LYSMD2: variants seen among roughly 807,000 people sequenced by gnomAD.
LYSMD2 encodes the protein lysM and putative peptidoglycan-binding domain-containing protein 2.
Under a neutral mutation model 17.7 loss-of-function variants are expected in LYSMD2, and 6 were observed. The observed-to-expected ratio is 0.34, with a 90% CI of 0.19 to 0.67. The LOEUF (loss-of-function observed/expected upper bound fraction) is 0.67. LYSMD2 is among the 30% of genes least tolerant of loss of function. LYSMD2 has a pLI of 0.69. For synonymous variants in LYSMD2, 102 were observed against 129.8 expected (o/e 0.79, Z 1.45); for missense variants, 237 against 286.7 (o/e 0.83, Z 1.25).
At chr15:51,740,327 C>A (rs2055636675), upstream of LYSMD2, among the ~76,000 whole-genome samples, 1 of 152,138 alleles carries the variant, frequency 6.6e-6, no homozygotes, top group African/African-American at 2.4e-5. Flanking sequence ...ATTAGATGTT[C>A]ATTGTTTTCC....
At chr15:51,746,822 C>G (rs925554171) in intron 1 of LYSMD2, among the ~76,000 whole-genome samples, 27 of 151,872 alleles carry the variant, frequency 1.8e-4, no homozygotes, top group South Asian at 1.5e-3. Context: ...TTTATCGCTC[C>G]AAAAAGTAAG....
At position 51,737,292 on chromosome 15, in the gene LYSMD2, C is replaced by T. The variant is rs1374092711; in HGVS notation, c.273+58G>A. ...CCCCCACCCCCACCGCACCCCGAGC[C>T]GCACCGCCTCCTGCGCGGTAGCTGC... On this transcript the variant is annotated intron_variant, in intron 1 of 2. Coordinates refer to ENST00000267838, the MANE Select transcript of LYSMD2 (RefSeq NM_153374.3). The surrounding 1 kb of genome is among the most constrained non-coding windows in gnomAD (Gnocchi z 4.2). 3.9e-6 allele frequency: 5 copies of T among 1,267,132 alleles called. No individual in the cohort carries two copies. The highest frequency in any genetic ancestry group is 4.3e-5 in the Admixed American group (1 of 23,418). The allele number at this position is 1,267,132 out of a possible 1,614,324, so 78.5% of individuals were successfully genotyped here. A position where few individuals can be genotyped will look rare whatever the true frequency, so the allele number is the denominator to read the frequency against.
At chr15:51,723,706 A>T in intron 2 of LYSMD2, 57 bp from the exon 3 acceptor site, 1 of 1,271,052 alleles carries the variant, frequency 7.9e-7, no homozygotes, top group Non-Finnish European at 1.1e-6. Flanking sequence ...CAGAAAACTA[A>T]AACATCAACT....
chr15:51,745,587 C>T (rs1425129124), intron 1 of LYSMD2, among the ~76,000 whole-genome samples: 1 of 152,066 alleles, frequency 6.6e-6, no homozygotes, highest in African/African-American at 2.4e-5. Context: ...TGGGAATAAA[C>T]AGGAACTCCC....
At chr15:51,750,166 G>C (rs1361640844) in intron 1 of LYSMD2, among the ~76,000 whole-genome samples, 1 of 152,146 alleles carries the variant, frequency 6.6e-6, no homozygotes, top group Non-Finnish European at 1.5e-5. Flanking sequence ...CTATGACCTT[G>C]AATAAGTCAC....
intron 1 of LYSMD2, among the ~76,000 whole-genome samples, chr15:51,742,781 T>C (rs1191217300): frequency 6.6e-6 from 1 of 152,058 alleles, no homozygotes; most frequent in Non-Finnish European, 1.5e-5. Context: ...AAAATAGTCA[T>C]ATTTTTTGGT....
At chr15:51,750,211 G>C (rs2055690884) in intron 1 of LYSMD2, among the ~76,000 whole-genome samples, 2 of 152,108 alleles carry the variant, frequency 1.3e-5, no homozygotes, top group Admixed American at 6.5e-5. Flanking sequence ...ACTATCATTG[G>C]GGAAAAATAC....
At chr15:51,741,052 A>T (rs548986000), upstream of LYSMD2, among the ~76,000 whole-genome samples, 4 of 152,364 alleles carry the variant, frequency 2.6e-5, no homozygotes, top group South Asian at 8.3e-4. Context: ...GCTGACATTC[A>T]TATGAAAGAT....
chr15:51,747,696 T>C (rs1346040448), intron 1 of LYSMD2, among the ~76,000 whole-genome samples: 1 of 152,254 alleles, frequency 6.6e-6, no homozygotes, highest in African/African-American at 2.4e-5. Context: ...AATTTATTTA[T>C]TGAAGAATCA....
chr15:51,741,741 G>A (rs1052697979), upstream of LYSMD2, among the ~76,000 whole-genome samples: 7 of 151,954 alleles, frequency 4.6e-5, no homozygotes, highest in East Asian at 1.9e-4. Context: ...CCAACATGGC[G>A]AAACCCCATT....
chr15:51,725,418 G>T (rs1392221501), intron 1 of LYSMD2, among the ~76,000 whole-genome samples: 2 of 152,174 alleles, frequency 1.3e-5, no homozygotes, highest in African/African-American at 4.8e-5. Context: ...GTTTAAAAAT[G>T]TAAAATTTTT....
Position 51,737,333 on chromosome 15 carries a change from C to T in LYSMD2, c.273+17G>A, listed in dbSNP as rs1289917409. ...CGGTAGCTGCCAGCCCGGGCCGCGGCGGCGCGCCCTGCTCACCGTGACACC... is the reference window on the plus strand; with the variant it reads ...CGGTAGCTGCCAGCCCGGGCCGCGGTGGCGCGCCCTGCTCACCGTGACACC... On this transcript the variant is annotated intron_variant, in intron 1 of 2. Coordinates refer to ENST00000267838, the MANE Select transcript of LYSMD2 (RefSeq NM_153374.3). This position sits in a 1 kb window ranked among gnomAD's most constrained non-coding sequence, Gnocchi z 4.2. 2.3e-6 allele frequency: 3 copies of T among 1,322,416 alleles called. No homozygotes were observed. The highest frequency in any genetic ancestry group is 1.9e-5 in the South Asian group (1 of 52,340). The allele number at this position is 1,322,416 out of a possible 1,614,324, so 81.9% of individuals were successfully genotyped here. A position where few individuals can be genotyped will look rare whatever the true frequency, so the allele number is the denominator to read the frequency against.
chr15:51,725,859 T>C (rs1446645592), intron 1 of LYSMD2, among the ~76,000 whole-genome samples: 1 of 152,198 alleles, frequency 6.6e-6, no homozygotes, highest in African/African-American at 2.4e-5. Context: ...AAAGAGATGG[T>C]AGATTTGACC....
chr15:51,749,324 C>A (rs143335116), intron 1 of LYSMD2, among the ~76,000 whole-genome samples: 143 of 152,362 alleles, frequency 9.4e-4, no homozygotes, highest in African/African-American at 3.2e-3. Context: ...TCCTTTAACA[C>A]CTTCCAGCTT....
intron 1 of LYSMD2, among the ~76,000 whole-genome samples, chr15:51,744,488 A>G (rs1029146934): frequency 6.6e-6 from 1 of 152,156 alleles, no homozygotes; most frequent in Non-Finnish European, 1.5e-5. Context: ...TTTACCTGGA[A>G]TTAATCCTAC....
chr15:51,726,957 GTACAC>G (rs1038223190), intron 1 of LYSMD2, among the ~76,000 whole-genome samples: 37 of 152,284 alleles, frequency 2.4e-4, no homozygotes, highest in African/African-American at 8.9e-4. Context: ...AACTGCAAGA[GTACAC>G]TATTAATTCT....
chr15:51,750,218 A>C (rs1037667284), intron 1 of LYSMD2, among the ~76,000 whole-genome samples: 1 of 152,176 alleles, frequency 6.6e-6, no homozygotes, highest in Non-Finnish European at 1.5e-5. Flanking sequence ...TTGGGGAAAA[A>C]TACCTTCACT....
chr15:51,733,224 T>C (rs1211174068), intron 1 of LYSMD2, among the ~76,000 whole-genome samples: 1 of 151,876 alleles, frequency 6.6e-6, no homozygotes, highest in East Asian at 1.9e-4. Context: ...CAGCAAGGTC[T>C]TCCCTGGCCA....
Position 51,737,339 on chromosome 15 carries a change from G to A in LYSMD2, c.273+11C>T. 2 of 1,352,044 alleles carry A rather than the reference G, an allele frequency of 1.5e-6. No individual in the cohort carries two copies. The highest frequency in any genetic ancestry group is 1.9e-6 in the Non-Finnish European group (2 of 1,050,356). 83.8% of individuals were successfully genotyped at this position (1,352,044 alleles called of 1,614,324 possible). A position where few individuals can be genotyped will look rare whatever the true frequency, so the allele number is the denominator to read the frequency against. On this transcript the variant is annotated intron_variant, in intron 1 of 2. Transcript: ENST00000267838. This position sits in a 1 kb window ranked among gnomAD's most constrained non-coding sequence, Gnocchi z 4.2. ...CTGCCAGCCCGGGCCGCGGCGGCGCGCCCTGCTCACCGTGACACCGTACTT... is the reference window on the plus strand; with the variant it reads ...CTGCCAGCCCGGGCCGCGGCGGCGCACCCTGCTCACCGTGACACCGTACTT...
Sources: gnomAD v4.1 joint callset for allele counts (sites outside exome capture counted in the v4.1 genomes callset) on GRCh38, gnomAD v4.1.1 for gene constraint, Gnocchi (gnomAD v3.1) non-coding constraint, MANE v1.5 for transcripts, NCBI Gene and HGNC (gene_info 2026-07-23, HGNC 2026-07-21) for gene names.